TRPV3: variants seen among roughly 807,000 people sequenced by gnomAD.
The protein encoded by TRPV3 is transient receptor potential cation channel subfamily V member 3.
TRPV3 carries 88 observed loss-of-function variants against 87.1 expected under a neutral mutation model. The ratio of observed to expected loss-of-function variants is 1.01; its 90% CI spans 0.85 to 1.21. TRPV3 has a LOEUF of 1.21. Among genes scored for constraint, TRPV3 ranks in the 50% most tolerant of loss-of-function variants. The pLI, the probability that TRPV3 is intolerant of heterozygous loss-of-function variation, is 0.00. For synonymous variants in TRPV3, 438 were observed against 423.3 expected (o/e 1.03, Z -0.43); for missense variants, 1,054 against 1,030.1 (o/e 1.02, Z -0.32).
chr17:3,528,199 C>A lies in TRPV3; in HGVS notation c.1402-73G>T. 1.7e-6 allele frequency: 2 copies of A among 1,171,024 alleles called. No homozygotes were observed. Among genetic ancestry groups the A allele is most frequent in the South Asian group, 1.5e-5 (1 of 67,606 alleles). The allele number at this position is 1,171,024 out of a possible 1,614,324, so 72.5% of individuals were successfully genotyped here. ...GGGCTGGCACCAACTCTAGAGGGACCAAAACCCAGGTGAAACACTCAAGCC... is the reference window on the plus strand; with the variant it reads ...GGGCTGGCACCAACTCTAGAGGGACAAAAACCCAGGTGAAACACTCAAGCC... On this transcript the variant is annotated intron_variant, in intron 10 of 17. Coordinates refer to ENST00000576742, the MANE Select transcript of TRPV3 (RefSeq NM_145068.4). This position sits in a 1 kb window ranked among gnomAD's most constrained non-coding sequence, Gnocchi z 4.2.
At chr17:3,549,742 ATGGATAGGT>A (rs1232428683) in intron 2 of TRPV3, among the ~76,000 whole-genome samples, 29 of 149,198 alleles carry the variant, frequency 1.9e-4, no homozygotes, top group Non-Finnish European at 7.4e-5. Flanking sequence ...GGATGGATGG[ATGGATAGGT>A]GGATGGATGG....
chr17:3,527,971 C>G (rs1012945750), intron 11 of TRPV3, 54 bp downstream of exon 11: 10 of 1,377,026 alleles, frequency 7.3e-6, no homozygotes, highest in Non-Finnish European at 1.0e-5. Context: ...GGGATGGAGG[C>G]TGTCACCTGC....
Position 3,524,328 on chromosome 17 carries a change from A to G in TRPV3, c.1613T>C (p.Phe538Ser). Reference protein sequence around the residue: ...IQAVLVILSVFLYLFAYKEYL... With the variant: ...IQAVLVILSVSLYLFAYKEYL... The stretch of plus-strand genomic sequence containing the variant: ...CTCTTTGTAGGCAAACAAGTACAAG[A>G]AGACAGACAGTATCACAAGCACAGC... Residue 538 changes from phenylalanine to serine, a missense_variant, in exon 13 of 18, where the codon TTC (phenylalanine) becomes TCC (serine). Transcript: ENST00000576742. 1 of 1,614,256 alleles carries G rather than the reference A, an allele frequency of 6.2e-7. No homozygotes were observed. Among genetic ancestry groups the G allele is most frequent in the Non-Finnish European group, 8.5e-7 (1 of 1,180,050 alleles).
In TRPV3 at chr17:3,550,114, G is replaced by A. The variant is rs145897418; in HGVS notation, c.119+4618C>T. Among the ~76,000 whole-genome samples, 95 of 152,292 alleles carry A rather than the reference G, an allele frequency of 6.2e-4. 1 individual carries two copies. The highest frequency in any genetic ancestry group is 2.1e-3 in the African/African-American group (89 of 41,578). The stretch of plus-strand genomic sequence containing the variant: ...TTGGGAGGGTAGGATAGGTGGACAG[G>A]ACCAATAAGCAGATAAACCAACATA... On this transcript the variant is annotated intron_variant, in intron 2 of 17. Coordinates refer to ENST00000576742, the MANE Select transcript of TRPV3 (RefSeq NM_145068.4).
chr17:3,510,841 T>G lies in TRPV3; in HGVS notation c.*3076A>C, dbSNP rs9913028. 33,436 of 152,174 alleles carry G rather than the reference T, an allele frequency of 0.22. 3,960 individuals are homozygous for G. The highest frequency in any genetic ancestry group is 0.27 in the Non-Finnish European group (18,604 of 68,004). The allele number at this position is 152,174 out of a possible 1,614,324, so 9.4% of individuals were successfully genotyped here. A position where few individuals can be genotyped will look rare whatever the true frequency, so the allele number is the denominator to read the frequency against. On this transcript the variant is annotated 3_prime_UTR_variant, in exon 18 of 18. Coordinates refer to ENST00000576742, the MANE Select transcript of TRPV3 (RefSeq NM_145068.4). ...CAGGCCTTGAGGAAGGACAGGAATG[T>G]CAATAATAAAGGGCTCTCTCAGGCT... is the stretch of plus-strand genomic sequence containing the variant.
At position 3,543,539 on chromosome 17, in the gene TRPV3, T is replaced by C. The variant is rs756949587; in HGVS notation, c.401A>G (p.Glu134Gly). 2.5e-6 allele frequency: 4 copies of C among 1,613,858 alleles called. No homozygotes were observed. ...FAAVSEGCVEELVELLVELQE... is the reference protein window; with the variant it reads ...FAAVSEGCVEGLVELLVELQE... ...CAGCTCCACCAGCAACTCTACCAAC[T>C]CCTCCACGCAGCCCTCAGACACGGC... Residue 134 changes from glutamate to glycine, a missense_variant, in exon 5 of 18, where the codon GAG becomes GGG. Physicochemically the swap from Glu to Gly is moderately conservative, Grantham distance 98 (BLOSUM62 -2). Transcript: ENST00000576742.
rs985062987 is a variant in TRPV3 at position 3,557,229 on chromosome 17, C to G, written c.-3+447G>C. Among the ~76,000 whole-genome samples, 2 of 152,156 alleles carry G rather than the reference C, an allele frequency of 1.3e-5. No individual in the cohort carries two copies. Among genetic ancestry groups the G allele is most frequent in the Admixed American group, 6.5e-5 (1 of 15,274 alleles). On this transcript the variant is annotated intron_variant, in intron 1 of 17. Coordinates refer to ENST00000576742, the MANE Select transcript of TRPV3 (RefSeq NM_145068.4). The surrounding 1 kb of genome is among the most constrained non-coding windows in gnomAD (Gnocchi z 4.5). ...CCGGGCGACAGACCAGGCCGCGGAG[C>G]CACAGCTGCTGACTCAGCACCTGTG... is the stretch of plus-strand genomic sequence containing the variant.
At position 3,513,114 on chromosome 17, in the gene TRPV3, A is replaced by C. The variant is rs1254879363; in HGVS notation, c.*803T>G. ...AAAAGCTTTTTGTCTTGCTCTGGGCACCCTGAGGCCAAATATATAATACTT... is the reference window on the plus strand; with the variant it reads ...AAAAGCTTTTTGTCTTGCTCTGGGCCCCCTGAGGCCAAATATATAATACTT... On this transcript the variant is annotated 3_prime_UTR_variant, in exon 18 of 18. Coordinates refer to ENST00000576742, the MANE Select transcript of TRPV3 (RefSeq NM_145068.4). The C allele has an allele frequency of 1.3e-5, 2 of 152,586 alleles. No homozygotes were observed. Among genetic ancestry groups the C allele is most frequent in the Non-Finnish European group, 2.9e-5 (2 of 68,034 alleles). 9.5% of individuals were successfully genotyped at this position (152,586 alleles called of 1,614,324 possible). A position where few individuals can be genotyped will look rare whatever the true frequency, so the allele number is the denominator to read the frequency against.
intron 6 of TRPV3, among the ~76,000 whole-genome samples, chr17:3,537,701 C>T (rs2150797041): frequency 6.6e-6 from 1 of 150,844 alleles, no homozygotes; most frequent in East Asian, 1.9e-4. Context: ...GTCAGGAGTT[C>T]GAGACCAGCC....
chr17:3,542,455 G>A (rs1825638235), intron 6 of TRPV3, 67 bp downstream of exon 6: 1 of 1,547,014 alleles, frequency 6.5e-7, no homozygotes, highest in Non-Finnish European at 8.7e-7. Context: ...GGCCAGCAGT[G>A]GCCCTGTGGC....
intron 15 of TRPV3, 29 bp from the exon 16 acceptor site, chr17:3,516,598 G>A (rs1366355712): frequency 6.5e-7 from 1 of 1,541,098 alleles, no homozygotes; most frequent in South Asian, 1.1e-5. Context: ...CTAAGGAGTA[G>A]GCATCCACAC....
chr17:3,554,579 T>G, intron 2 of TRPV3, 153 bp downstream of exon 2: 1 of 621,954 alleles, frequency 1.6e-6, no homozygotes, highest in East Asian at 2.7e-5. Context: ...CACCGCACCA[T>G]CCCCTAGTCA....
chr17:3,535,250 TTAC>T (rs1326563872), intron 7 of TRPV3, among the ~76,000 whole-genome samples: 6 of 16,812 alleles, frequency 3.6e-4, no homozygotes, highest in Non-Finnish European at 2.4e-4. Context: ...CTCCCCCTCC[TTAC>T]TCCTCCTCCC....
intron 2 of TRPV3, among the ~76,000 whole-genome samples, chr17:3,546,232 G>A (rs1019577946): frequency 3.2e-4 from 48 of 151,188 alleles, no homozygotes; most frequent in Non-Finnish European, 2.4e-4. Context: ...ATCTGAGGTC[G>A]GGAGTTCGAG....
chr17:3,520,662 G>A (rs1405962056), intron 14 of TRPV3, among the ~76,000 whole-genome samples: 1 of 152,120 alleles, frequency 6.6e-6, no homozygotes, highest in African/African-American at 2.4e-5. Context: ...GTTGAGAGAA[G>A]TAAAAAGGTA....
intron 6 of TRPV3, among the ~76,000 whole-genome samples, chr17:3,537,629 C>T (rs1251311558): frequency 6.6e-6 from 1 of 152,110 alleles, no homozygotes; most frequent in Non-Finnish European, 1.5e-5. Flanking sequence ...TAGGGCCGGG[C>T]GCGGTAGCTC....
chr17:3,519,856 GGA>G (rs2074227901), intron 14 of TRPV3, among the ~76,000 whole-genome samples: 4 of 61,388 alleles, frequency 6.5e-5, no homozygotes, highest in Non-Finnish European at 1.9e-4. Context: ...ATGACTGGAT[GGA>G]TGGATGGATG....
chr17:3,540,425 C>T (rs1342984611), intron 6 of TRPV3, among the ~76,000 whole-genome samples: 2 of 152,150 alleles, frequency 1.3e-5, no homozygotes, highest in Non-Finnish European at 2.9e-5. Flanking sequence ...CAGACCTCCT[C>T]GCCCCAGCAA....
chr17:3,542,447 C>T (rs538064390), intron 6 of TRPV3, 75 bp downstream of exon 6: 1 of 1,530,818 alleles, frequency 6.5e-7, no homozygotes, highest in Non-Finnish European at 8.8e-7. Context: ...CGTGGCCTGG[C>T]CAGCAGTGGC....
Sources: allele counts gnomAD v4.1 joint callset (sites outside exome capture counted in the v4.1 genomes callset), GRCh38; gene constraint gnomAD v4.1.1; non-coding constraint Gnocchi (gnomAD v3.1); transcripts MANE v1.5; gene names NCBI Gene and HGNC (gene_info 2026-07-23, HGNC 2026-07-21).